HERC2: variants seen among roughly 807,000 people sequenced by gnomAD.
HERC2 encodes E3 ubiquitin-protein ligase HERC2.
HERC2 carries 102 observed loss-of-function variants against 537.7 expected under a neutral mutation model. The observed-to-expected ratio is 0.19, with a 90% CI of 0.16 to 0.22. HERC2 has a LOEUF of 0.22. Ranked by LOEUF, HERC2 falls within the 10% of genes least tolerant of loss-of-function variation. The pLI, the probability that HERC2 is intolerant of heterozygous loss-of-function variation, is 1.00. For synonymous variants in HERC2, 2,224 were observed against 2,466.2 expected, an observed-to-expected ratio of 0.90 and a Z score of 2.91; for missense variants, 4,236 against 6,198.2, an observed-to-expected ratio of 0.68 and a Z score of 10.63.
At chr15:28,181,567 A>G (rs1895820915) in intron 57 of HERC2, among the ~76,000 whole-genome samples, 1 of 152,262 alleles carries the variant, frequency 6.6e-6, no homozygotes, top group Non-Finnish European at 1.5e-5. Flanking sequence ...ACAGAATACT[A>G]ACAGGAAGCA....
chr15:28,317,273 G>C (rs867108937), intron 2 of HERC2, among the ~76,000 whole-genome samples: 1 of 152,170 alleles, frequency 6.6e-6, no homozygotes, highest in South Asian at 2.1e-4. Context: ...ATTTTTAGTA[G>C]AGACAGGGTT....
intron 55 of HERC2, chr15:28,190,721 C>A: frequency 1.9e-6 from 1 of 535,674 alleles, no homozygotes; most frequent in Non-Finnish European, 3.3e-6. Flanking sequence ...GAGCAGTTAC[C>A]AAGTATACCT....
intron 69 of HERC2, among the ~76,000 whole-genome samples, chr15:28,155,418 C>G (rs1025087809): frequency 6.6e-6 from 1 of 152,172 alleles, no homozygotes; most frequent in African/African-American, 2.4e-5. Context: ...CACATCCTCT[C>G]CAGCACCTGT....
chr15:28,191,780 A>G (rs1357843118), intron 53 of HERC2, among the ~76,000 whole-genome samples, 181 bp downstream of exon 53: 1 of 152,238 alleles, frequency 6.6e-6, no homozygotes. Context: ...AAAATCTCTG[A>G]CAATAAAATT....
rs868593856 is a variant in HERC2, at chr15:28,302,780, C to T, written c.73-3264G>A. Among the ~76,000 whole-genome samples the T allele has an allele frequency of 6.9e-3, 1,009 of 146,856 alleles. 8 individuals are homozygous for T. Among genetic ancestry groups the T allele is most frequent in the African/African-American group, 0.024 (947 of 39,694 alleles). ...CAACCATGTTGAGCACCTGTTCGTA[C>T]TGCCTGTTTGTCATTTGTATATCTT... On this transcript the variant is annotated intron_variant, in intron 2 of 92. Coordinates refer to ENST00000261609, the MANE Select transcript of HERC2 (RefSeq NM_004667.6).
At chr15:28,215,367 AC>A (rs1184658817) in intron 39 of HERC2, among the ~76,000 whole-genome samples, 1 of 152,242 alleles carries the variant, frequency 6.6e-6, no homozygotes, top group Non-Finnish European at 1.5e-5. Flanking sequence ...TAAGACAATT[AC>A]ACTACAAATT....
intron 35 of HERC2, among the ~76,000 whole-genome samples, chr15:28,222,480 CT>C (rs745367386): frequency 2.0e-5 from 3 of 152,136 alleles, no homozygotes; most frequent in Non-Finnish European, 4.4e-5. Context: ...CTAGGAATTA[CT>C]CCCCCCAAAA....
chr15:28,131,731 G>A (rs751984549), intron 81 of HERC2, among the ~76,000 whole-genome samples: 4 of 152,144 alleles, frequency 2.6e-5, no homozygotes. Flanking sequence ...GCACCCCCAA[G>A]CGCGTGCCGT....
intron 37 of HERC2, 44 bp downstream of exon 37, chr15:28,220,408 G>C (rs760390157): frequency 6.4e-7 from 1 of 1,571,878 alleles, no homozygotes; most frequent in Non-Finnish European, 8.7e-7. Context: ...CACCTGGACA[G>C]TTTGTGGGCT....
chr15:28,275,101 C>T (rs937252890), intron 5 of HERC2, 96 bp from the exon 6 acceptor site: 7 of 636,932 alleles, frequency 1.1e-5, no homozygotes, highest in Non-Finnish European at 1.9e-5. Context: ...TACCAAAATC[C>T]GACCAATGGT....
At chr15:28,139,783 G>A (rs1462797651) in intron 78 of HERC2, among the ~76,000 whole-genome samples, 4 of 151,976 alleles carry the variant, frequency 2.6e-5, no homozygotes, top group South Asian at 2.1e-4. Context: ...AACATTGGCC[G>A]GGCACGGTAG....
chr15:28,313,062 C>T (rs1378678316), intron 2 of HERC2, among the ~76,000 whole-genome samples: 59 of 151,864 alleles, frequency 3.9e-4, no homozygotes, highest in African/African-American at 1.3e-3. Flanking sequence ...AAGGCTTATT[C>T]GCTTCCCACC....
intron 45 of HERC2, chr15:28,203,310 G>A (rs1007564557): frequency 6.9e-6 from 1 of 144,022 alleles, no homozygotes; most frequent in Non-Finnish European, 1.5e-5. Flanking sequence ...AACGGAGCAT[G>A]TGAGGAAGGA....
chr15:28,210,119 G>A (rs774120168), intron 44 of HERC2, among the ~76,000 whole-genome samples: 60 of 150,732 alleles, frequency 4.0e-4, no homozygotes, highest in Non-Finnish European at 6.6e-4. Context: ...CCACCACTAT[G>A]CCCCACTATT....
chr15:28,124,902 T>C lies in HERC2; in HGVS notation c.12990+104A>G, dbSNP rs569966705. On this transcript the variant is annotated intron_variant, in intron 84 of 92. Transcript: ENST00000261609. ...GTGGTTAACATTTACTGAGCCTGAA[T>C]TATTTTCACCAAGAAGCCTCTGTAA... 5 of 1,190,226 alleles carry C rather than the reference T, an allele frequency of 4.2e-6. No homozygotes were observed. In the African/African-American group the frequency reaches 7.6e-5, roughly 18 times the overall value. 73.7% of individuals were successfully genotyped at this position (1,190,226 alleles called of 1,614,324 possible).
At chr15:28,310,993 T>C (rs1191497312) in intron 2 of HERC2, among the ~76,000 whole-genome samples, 12 of 146,206 alleles carry the variant, frequency 8.2e-5, no homozygotes, top group East Asian at 2.0e-4. Flanking sequence ...AAGGGAATTG[T>C]TTGAACCTGG....
chr15:28,209,444 C>T (rs908140485), intron 44 of HERC2, among the ~76,000 whole-genome samples: 12 of 152,086 alleles, frequency 7.9e-5, no homozygotes, highest in East Asian at 3.9e-4. Context: ...CCCGAGTTCA[C>T]ACCATTCTCC....
chr15:28,266,067 C>A, intron 12 of HERC2, 93 bp from the exon 13 acceptor site: 1 of 1,380,298 alleles, frequency 7.2e-7, no homozygotes, highest in Non-Finnish European at 1.0e-6. Context: ...CAAATTTAGA[C>A]CAGCATAGCA....
intron 68 of HERC2, among the ~76,000 whole-genome samples, chr15:28,166,456 A>G (rs566639184): frequency 6.6e-6 from 1 of 152,194 alleles, no homozygotes; most frequent in Non-Finnish European, 1.5e-5. Flanking sequence ...GTATAGGTCT[A>G]TTTGCTGAGA....
Sources: gnomAD v4.1 joint callset for allele counts (sites outside exome capture counted in the v4.1 genomes callset) on GRCh38, gnomAD v4.1.1 for gene constraint, MANE v1.5 for transcripts, NCBI Gene and HGNC (gene_info 2026-07-23, HGNC 2026-07-21) for gene names.